TSNARE1: variants seen among roughly 807,000 people sequenced by gnomAD.
TSNARE1 encodes the protein t-SNARE domain containing 1.
TSNARE1 carries 49 observed loss-of-function variants against 62.0 expected under a neutral mutation model. That is an observed-to-expected ratio of 0.79 (90% CI 0.63 to 1.00). The LOEUF (loss-of-function observed/expected upper bound fraction) is 1.00, where lower values mean the gene tolerates loss of function less well. TSNARE1 is among the 50% of genes least tolerant of loss of function. The pLI is 0.00. For synonymous variants in TSNARE1, 328 were observed against 294.4 expected (o/e 1.11, Z -1.17); for missense variants, 755 against 700.1 (o/e 1.08, Z -0.88).
intron 1 of TSNARE1, among the ~76,000 whole-genome samples, chr8:142,400,711 G>A (rs1261636454): frequency 2.0e-5 from 3 of 152,178 alleles, no homozygotes; most frequent in African/African-American, 7.2e-5. Flanking sequence ...CTGTTCTTAT[G>A]GCCAAACACC....
rs10093586 is a variant in TSNARE1, at chr8:142,227,411, G to C, written c.*11+2062C>G. Among the ~76,000 whole-genome samples the C allele has an allele frequency of 1.2e-3, 58 of 48,358 alleles. 1 individual carries two copies. The highest frequency in any genetic ancestry group is 9.6e-3 in the East Asian group (20 of 2,092). 31.7% of individuals were successfully genotyped at this position (48,358 alleles called of 152,430 possible). On this transcript the variant is annotated intron_variant, in intron 13 of 13. Coordinates refer to ENST00000524325, the MANE Select transcript of TSNARE1 (RefSeq NM_145003.5). Reference sequence around the variant, plus strand: ...CCAATAGCCCCAGTGACAGCCAGGAGCCCCAACCTGCCCACAACCCCAGTG... The same window carrying C: ...CCAATAGCCCCAGTGACAGCCAGGACCCCCAACCTGCCCACAACCCCAGTG...
At chr8:142,290,701 G>A (rs1374847081) in intron 10 of TSNARE1, among the ~76,000 whole-genome samples, 2 of 152,260 alleles carry the variant, frequency 1.3e-5, no homozygotes, top group Non-Finnish European at 2.9e-5. Flanking sequence ...AGATCAGCCA[G>A]GTCAGGCACC....
chr8:142,299,113 C>G (rs1424745946), intron 10 of TSNARE1, among the ~76,000 whole-genome samples: 8 of 152,230 alleles, frequency 5.3e-5, no homozygotes, highest in Non-Finnish European at 1.0e-4. Flanking sequence ...TGACACCTCA[C>G]AGAGGAGGCG....
chr8:142,401,864 G>C (rs1341024448), intron 1 of TSNARE1, among the ~76,000 whole-genome samples: 1 of 152,094 alleles, frequency 6.6e-6, no homozygotes, highest in Non-Finnish European at 1.5e-5. Flanking sequence ...GGGGTCGAAC[G>C]GTATGAAAGC....
chr8:142,253,472 C>G (rs1015252019), intron 12 of TSNARE1, among the ~76,000 whole-genome samples: 2 of 150,050 alleles, frequency 1.3e-5, no homozygotes, highest in Non-Finnish European at 3.0e-5. Flanking sequence ...GCAGGTAGGG[C>G]GGTCACCCCC....
At position 142,284,473 on chromosome 8, in the gene TSNARE1, C is replaced by G; in HGVS notation, c.1303G>C (p.Asp435His). The change falls in exon 11 of 14, where the codon GAT becomes CAT. Residue 435 changes from aspartate (D) to histidine (H), a missense_variant. Transcript: ENST00000524325. ...AILQMESNLL[D>H]VNQIIKDLAS... ...AAGTCCTTGATGATCTGATTCACAT[C>G]CAGCAAGTTGCTCTGTGGAAACAAC... 1 of 1,613,760 alleles carries G rather than the reference C, an allele frequency of 6.2e-7. No individual in the cohort carries two copies. Among genetic ancestry groups the G allele is most frequent in the Non-Finnish European group, 8.5e-7 (1 of 1,179,942 alleles).
chr8:142,231,177 G>A (rs1459573850), intron 12 of TSNARE1, among the ~76,000 whole-genome samples: 4 of 152,190 alleles, frequency 2.6e-5, no homozygotes, highest in African/African-American at 9.7e-5. Context: ...CCTTAAGAGG[G>A]ACCCACATAC....
intron 1 of TSNARE1, chr8:142,402,868 G>A (rs906708344): frequency 6.6e-6 from 1 of 152,116 alleles, no homozygotes. Flanking sequence ...CGGCGCTCTC[G>A]CGGGGCTGCG....
upstream of TSNARE1, chr8:142,405,423 C>G (rs758567377): frequency 6.6e-6 from 1 of 152,142 alleles, no homozygotes; most frequent in Non-Finnish European, 1.5e-5. Context: ...GGCCCCAGGA[C>G]GCTGAGTTCT....
At chr8:142,306,801 T>G (rs1417298481) in intron 9 of TSNARE1, among the ~76,000 whole-genome samples, 9 of 152,170 alleles carry the variant, frequency 5.9e-5, no homozygotes, top group Admixed American at 2.6e-4. Context: ...TACTGGCCAC[T>G]CCCCACCTTT....
chr8:142,406,553 G>A (rs1050973819), upstream of TSNARE1: 4 of 152,374 alleles, frequency 2.6e-5, no homozygotes, highest in Non-Finnish European at 2.9e-5. Flanking sequence ...CATGCAGCCC[G>A]GGCTTCCAAC....
At position 142,403,107 on chromosome 8, in the gene TSNARE1, G is replaced by T. The variant is rs1261435481; in HGVS notation, c.-43C>A. 1 of 149,012 alleles carries T rather than the reference G, an allele frequency of 6.7e-6. No individual in the cohort carries two copies. The highest frequency in any genetic ancestry group is 2.4e-5 in the African/African-American group (1 of 41,050). The allele number at this position is 149,012 out of a possible 1,614,324, so 9.2% of individuals were successfully genotyped here. A position where few individuals can be genotyped will look rare whatever the true frequency, so the allele number is the denominator to read the frequency against. ...AGCCCCACCGCCGCCGCCTCACCTG[G>T]GCCTCGGTGGCTCGCGGACCGCTCC... is the stretch of plus-strand genomic sequence containing the variant. On this transcript the variant is annotated 5_prime_UTR_variant, in exon 1 of 14. Coordinates refer to ENST00000524325, the MANE Select transcript of TSNARE1 (RefSeq NM_145003.5).
At chr8:142,288,154 G>A (rs1180280882) in intron 10 of TSNARE1, among the ~76,000 whole-genome samples, 2 of 152,366 alleles carry the variant, frequency 1.3e-5, no homozygotes, top group East Asian at 3.9e-4. Flanking sequence ...ATGCCAGGGA[G>A]GGGTGTGGCT....
Position 142,286,195 on chromosome 8 carries a change from C to T in TSNARE1, c.1291-1710G>A, listed in dbSNP as rs183647287. On this transcript the variant is annotated intron_variant, in intron 10 of 13. Coordinates refer to ENST00000524325, the MANE Select transcript of TSNARE1 (RefSeq NM_145003.5). ...AACAAAAGCAACCCTCCTCACATAG[C>T]GCCTGGCACATGGCTGGGTTCCAGC... 5.9e-5 allele frequency among the ~76,000 whole-genome samples: 9 copies of T among 152,270 alleles called. No homozygotes were observed. In the East Asian group the frequency reaches 1.6e-3, roughly 26 times the overall value.
At chr8:142,356,840 G>C (rs907980058) in intron 1 of TSNARE1, among the ~76,000 whole-genome samples, 7 of 152,056 alleles carry the variant, frequency 4.6e-5, no homozygotes, top group Admixed American at 4.6e-4. Context: ...TTTCAGGCTC[G>C]GGCAGTCTGG....
chr8:142,312,967 C>T (rs1323954758), intron 9 of TSNARE1, among the ~76,000 whole-genome samples: 1 of 152,236 alleles, frequency 6.6e-6, no homozygotes, highest in African/African-American at 2.4e-5. Flanking sequence ...GATGTTTCCC[C>T]CATGTTGGAT....
intron 12 of TSNARE1, chr8:142,273,021 C>T: frequency 1.0e-6 from 1 of 985,468 alleles, no homozygotes; most frequent in Non-Finnish European, 1.2e-6. Context: ...GCAGAGGTGA[C>T]TTCACGGCCG....
At chr8:142,220,636 C>T (rs1816167826) in intron 13 of TSNARE1, among the ~76,000 whole-genome samples, 1 of 152,224 alleles carries the variant, frequency 6.6e-6, no homozygotes, top group Non-Finnish European at 1.5e-5. Flanking sequence ...GGGGCATCTA[C>T]GTTATCTCTC....
chr8:142,362,652 C>T (rs1031242329), intron 1 of TSNARE1, among the ~76,000 whole-genome samples: 5 of 152,166 alleles, frequency 3.3e-5, no homozygotes, highest in Admixed American at 2.0e-4. Flanking sequence ...GCAGTGACCA[C>T]GACCCAATCA....
Sources: gnomAD v4.1 joint callset for allele counts (sites outside exome capture counted in the v4.1 genomes callset) on GRCh38, gnomAD v4.1.1 for gene constraint, MANE v1.5 for transcripts, NCBI Gene and HGNC (gene_info 2026-07-23, HGNC 2026-07-21) for gene names.